The following GNAL variants were observed in gnomAD, a reference collection of about 807,000 sequenced individuals.
GNAL encodes G protein subunit alpha L, also known as guanine nucleotide-binding protein G(olf) subunit alpha.
Under a neutral mutation model 55.1 loss-of-function variants are expected in GNAL, and 18 were observed. The ratio of observed to expected loss-of-function variants is 0.33; its 90% CI spans 0.23 to 0.48. GNAL has a LOEUF of 0.48. Among genes scored for constraint, GNAL ranks in the 20% least tolerant of loss-of-function variants. GNAL has a pLI of 0.99. For synonymous variants in GNAL, 253 were observed against 237.0 expected (o/e 1.07, Z -0.62); for missense variants, 412 against 614.1 (o/e 0.67, Z 3.48).
chr18:11,880,235 G>T (rs377203901), intron 11 of GNAL, among the ~76,000 whole-genome samples: 20 of 141,602 alleles, frequency 1.4e-4, no homozygotes, highest in South Asian at 7.3e-4. Context: ...CCAGCCTGGG[G>T]GACACAGCGA....
At chr18:11,854,000 T>A (rs2035944376) in intron 5 of GNAL, 1 of 165,548 alleles carries the variant, frequency 6.0e-6, no homozygotes, top group Non-Finnish European at 1.5e-5. Flanking sequence ...TTTTTTTGTA[T>A]TTTTAGTAGA....
chr18:11,872,392 G>A lies in GNAL; in HGVS notation c.1156G>A (p.Glu386Lys). The A allele has an allele frequency of 6.4e-7, 1 of 1,551,656 alleles. No individual in the cohort carries two copies. Among genetic ancestry groups the A allele is most frequent in the Non-Finnish European group, 8.7e-7 (1 of 1,150,334 alleles). The change falls in exon 10 of 12, where the codon GAA becomes AAA. Residue 386 changes from glutamate (E) to lysine (K), a missense_variant. Glu to Lys is a moderately conservative substitution (Grantham distance 56, BLOSUM62 1). Around this residue, in one of 5 missense-constraint regions of GNAL, gnomAD observed 79 missense variants for 127.1 expected, o/e 0.62. Transcript: ENST00000334049. The part of the protein sequence containing the change: ...FPEYANYTVP[E>K]DATPDAGEDP... The stretch of plus-strand genomic sequence containing the variant: ...AGAATATGCAAATTATACTGTTCCT[G>A]AAGACGGTAAGATTTCAAAACACAT...
chr18:11,752,527 T>C lies in GNAL; in HGVS notation c.377-326T>C, dbSNP rs754048344. ...GGCCAACAAAAAGATCGAGAAGCAG[T>C]TGCAGAAAGAGCGCCTGGCTTACAA... On this transcript the variant is annotated intron_variant, in intron 1 of 11. Coordinates refer to ENST00000334049, the MANE Select transcript of GNAL (RefSeq NM_182978.4). The surrounding 1 kb of genome is among the most constrained non-coding windows in gnomAD (Gnocchi z 4.5). 11 of 1,613,224 alleles carry C rather than the reference T, an allele frequency of 6.8e-6. No homozygotes were observed. Among genetic ancestry groups the C allele is most frequent in the South Asian group, 2.2e-5 (2 of 90,992 alleles).
chr18:11,740,304 G>A (rs1267254790), intron 1 of GNAL, among the ~76,000 whole-genome samples: 1 of 151,878 alleles, frequency 6.6e-6, no homozygotes, highest in Non-Finnish European at 1.5e-5. Context: ...AGTGTTCCAG[G>A]TTTAGCTCAT....
chr18:11,795,686 C>CA (rs2034361014), intron 4 of GNAL, among the ~76,000 whole-genome samples: 2 of 152,178 alleles, frequency 1.3e-5, no homozygotes, highest in Admixed American at 1.3e-4. Context: ...TGTGAGGCGT[C>CA]AGTCTGTGTG....
chr18:11,723,787 C>G (rs568812939), intron 1 of GNAL, among the ~76,000 whole-genome samples: 95 of 152,342 alleles, frequency 6.2e-4, no homozygotes, highest in African/African-American at 2.2e-3. Flanking sequence ...CCCCTCTTTC[C>G]TGACACAGCC....
intron 5 of GNAL, chr18:11,852,442 G>A (rs796107412): frequency 3.6e-5 from 10 of 275,100 alleles, no homozygotes; most frequent in African/African-American, 2.0e-4. Flanking sequence ...GATTGAAGGT[G>A]GTTGGTTTTT....
chr18:11,835,022 C>T (rs1286487409), intron 5 of GNAL, among the ~76,000 whole-genome samples: 3 of 152,124 alleles, frequency 2.0e-5, no homozygotes, highest in Non-Finnish European at 4.4e-5. Flanking sequence ...ATGACCAGAA[C>T]CTCCTTCCAA....
At chr18:11,869,988 TAAC>T (rs779136074) in intron 9 of GNAL, among the ~76,000 whole-genome samples, 3 of 152,174 alleles carry the variant, frequency 2.0e-5, no homozygotes, top group South Asian at 2.1e-4. Flanking sequence ...CAATACAGTA[TAAC>T]AACTACTTAC....
Position 11,883,707 on chromosome 18 carries a change from T to C in GNAL, c.*2572T>C, listed in dbSNP as rs543715898. 3 of 152,314 alleles carry C rather than the reference T, an allele frequency of 2.0e-5. No individual in the cohort carries two copies. Among genetic ancestry groups the C allele is most frequent in the African/African-American group, 7.2e-5 (3 of 41,466 alleles). The allele number at this position is 152,314 out of a possible 1,614,324, so 9.4% of individuals were successfully genotyped here. On this transcript the variant is annotated 3_prime_UTR_variant, in exon 12 of 12. Coordinates refer to ENST00000334049, the MANE Select transcript of GNAL (RefSeq NM_182978.4). ...ATCTGTACTTTTTTTTTTTTAAATA[T>C]ATTTTTTGAGACGGAGTCTCACTCT...
intron 5 of GNAL, among the ~76,000 whole-genome samples, chr18:11,855,087 ATTTTTG>A (rs2035973919): frequency 1.3e-5 from 2 of 151,700 alleles, no homozygotes; most frequent in African/African-American, 4.9e-5. Context: ...CACCTGGCTA[ATTTTTG>A]TTTTTGTTGT....
At chr18:11,873,558 C>T (rs1014311507) in intron 10 of GNAL, among the ~76,000 whole-genome samples, 1 of 152,252 alleles carries the variant, frequency 6.6e-6, no homozygotes, top group African/African-American at 2.4e-5. Flanking sequence ...AGTCTCCGCA[C>T]CCGCCAGAGG....
In GNAL at chr18:11,882,861, A is replaced by G. The variant is rs1054128559; in HGVS notation, c.*1726A>G. 6.6e-6 allele frequency: 1 copy of G among 152,184 alleles called. No homozygotes were observed. The highest frequency in any genetic ancestry group is 1.5e-5 in the Non-Finnish European group (1 of 68,028). The allele number at this position is 152,184 out of a possible 1,614,324, so 9.4% of individuals were successfully genotyped here. On this transcript the variant is annotated 3_prime_UTR_variant, in exon 12 of 12. Transcript: ENST00000334049. ...TGCAAGACTTACAAATACAGCCTCA[A>G]ACATTATGACACACCAACAATATCT...
intron 5 of GNAL, among the ~76,000 whole-genome samples, chr18:11,839,603 A>G (rs917569291): frequency 9.2e-5 from 14 of 151,920 alleles, no homozygotes; most frequent in African/African-American, 3.4e-4. Context: ...AGACGTAAGC[A>G]TAATATCTCT....
chr18:11,736,165 C>T (rs1376506150), intron 1 of GNAL, among the ~76,000 whole-genome samples: 3 of 152,064 alleles, frequency 2.0e-5, no homozygotes, highest in East Asian at 1.9e-4. Flanking sequence ...GAGGCTGAGG[C>T]GGGAAGATTG....
intron 5 of GNAL, among the ~76,000 whole-genome samples, chr18:11,830,282 CTTTTTTTT>C (rs71172023): frequency 1.0e-5 from 1 of 99,218 alleles, no homozygotes; most frequent in Non-Finnish European, 1.8e-5. Context: ...AGAATTGCAT[CTTTTTTTT>C]TTTTTTTTTT....
At chr18:11,700,957 C>T (rs931441716) in intron 1 of GNAL, among the ~76,000 whole-genome samples, 10 of 152,228 alleles carry the variant, frequency 6.6e-5, no homozygotes, top group Admixed American at 6.5e-5. Context: ...ATATTACTCA[C>T]CAACTGCAAA....
intron 5 of GNAL, among the ~76,000 whole-genome samples, chr18:11,861,261 G>A (rs991573566): frequency 2.0e-5 from 3 of 152,034 alleles, no homozygotes; most frequent in Non-Finnish European, 2.9e-5. Context: ...CCTCCTGCTG[G>A]CTCTCCTTCT....
rs116080313 is a variant in GNAL at position 11,831,411 on chromosome 18, C to T, written c.722+6396C>T. 8.2e-3 allele frequency among the ~76,000 whole-genome samples: 1,254 copies of T among 152,258 alleles called. 12 individuals are homozygous for T. Among genetic ancestry groups the T allele is most frequent in the African/African-American group, 0.029 (1,186 of 41,556 alleles). On this transcript the variant is annotated intron_variant, in intron 5 of 11. Coordinates refer to ENST00000334049, the MANE Select transcript of GNAL (RefSeq NM_182978.4). ...CCCACCGAAAGTACATGCCCCCACA[C>T]ACTCTCTCCAAGCCTGCAAATATGT...
Sources: allele counts gnomAD v4.1 joint callset (sites outside exome capture counted in the v4.1 genomes callset), GRCh38; gene constraint gnomAD v4.1.1; regional missense constraint gnomAD v4.1.1; non-coding constraint Gnocchi (gnomAD v3.1); transcripts MANE v1.5; gene names NCBI Gene and HGNC (gene_info 2026-07-23, HGNC 2026-07-21).